The following GNL3L variants were observed in gnomAD, a reference collection of about 807,000 sequenced individuals.
The protein encoded by GNL3L is guanine nucleotide-binding protein-like 3-like protein.
A neutral mutation model predicts 42.9 loss-of-function variants in GNL3L; 4 were observed. The observed-to-expected ratio is 0.09, with a 90% confidence interval of 0.05 to 0.21. The LOEUF (loss-of-function observed/expected upper bound fraction) is 0.21. Ranked by LOEUF, GNL3L falls within the 10% of genes least tolerant of loss-of-function variation. The pLI, the probability that GNL3L is intolerant of heterozygous loss-of-function variation, is 1.00. For missense variants in GNL3L, 412 were observed against 481.7 expected (o/e 0.86, Z 1.36); for synonymous variants, 159 against 176.3 (o/e 0.90, Z 0.78).
intron 5 of GNL3L, 94 bp downstream of exon 5, chrX:54,541,483 G>A (rs1397861424): frequency 1.7e-5 from 9 of 530,873 alleles, no homozygotes; most frequent in South Asian, 1.6e-4. Flanking sequence ...TTGTTGGAGG[G>A]GAACAAGGGA....
intron 8 of GNL3L, among the ~76,000 whole-genome samples, chrX:54,544,630 C>G (rs1470641951): frequency 8.2e-5 from 9 of 109,122 alleles, no homozygotes; most frequent in African/African-American, 3.0e-4. Context: ...TCACCATGCC[C>G]TGCTAATTTT....
At chrX:54,568,544 A>G (rs1295390731), downstream of GNL3L, among the ~76,000 whole-genome samples, 1 of 108,275 alleles carries the variant, frequency 9.2e-6, no homozygotes, top group Non-Finnish European at 1.9e-5. Flanking sequence ...CAAAATAACT[A>G]TGTAGTATCT....
At chrX:54,622,431 C>A (rs1408347039), downstream of GNL3L, among the ~76,000 whole-genome samples, 1 of 106,632 alleles carries the variant, frequency 9.4e-6, no homozygotes, top group African/African-American at 3.4e-5. Flanking sequence ...ACTACAGGCA[C>A]GTGCCACCAT....
At chrX:54,533,858 A>G (rs1266166231) in intron 2 of GNL3L, among the ~76,000 whole-genome samples, 14 of 111,051 alleles carry the variant, frequency 1.3e-4, no homozygotes, top group Non-Finnish European at 2.6e-4. Flanking sequence ...ATAGTGATGG[A>G]AAAGACAAAA....
At chrX:54,620,794 CA>C (rs1274074076) in intron 16 of GNL3L, among the ~76,000 whole-genome samples, 1 of 112,003 alleles carries the variant, frequency 8.9e-6, no homozygotes, top group African/African-American at 3.2e-5. Context: ...TCCTCTCCAG[CA>C]CTTGTTATTG....
At chrX:54,536,628 T>TA (rs960745863) in intron 2 of GNL3L, among the ~76,000 whole-genome samples, 8 of 108,408 alleles carry the variant, frequency 7.4e-5, no homozygotes, top group African/African-American at 2.0e-4. Context: ...CTACTAAAAA[T>TA]AAAAAAATTA....
chrX:54,556,998 T>C (rs1925113609), intron 14 of GNL3L, among the ~76,000 whole-genome samples: 1 of 110,069 alleles, frequency 9.1e-6, no homozygotes, highest in Admixed American at 9.7e-5. Flanking sequence ...CTGGCCAACA[T>C]GGTGAAACCC....
chrX:54,612,427 G>A (rs1926172866), intron 16 of GNL3L, among the ~76,000 whole-genome samples: 1 of 111,708 alleles, frequency 9.0e-6, no homozygotes, highest in Non-Finnish European at 1.9e-5. Context: ...GAAATGTGAG[G>A]TACTGTTACT....
intron 16 of GNL3L, among the ~76,000 whole-genome samples, chrX:54,594,336 A>G (rs1310633655): frequency 9.0e-6 from 1 of 111,265 alleles, no homozygotes; most frequent in African/African-American, 3.3e-5. Context: ...TGCTGAATTG[A>G]CACCTTTATC....
At chrX:54,638,132 C>T in the GNL3L span, among the ~76,000 whole-genome samples, 3 of 111,757 alleles carry the variant, frequency 2.7e-5, no homozygotes, top group Non-Finnish European at 5.6e-5. Flanking sequence ...TTTTATCCAT[C>T]CTTTGCAATT....
chrX:54,578,619 C>A (rs764732981), intron 16 of GNL3L, among the ~76,000 whole-genome samples: 79 of 112,214 alleles, frequency 7.0e-4, no homozygotes, highest in African/African-American at 2.4e-3. Context: ...TGAGATTCAT[C>A]CATTTTGTTG....
At chrX:54,605,093 A>G (rs1168428869) in intron 16 of GNL3L, among the ~76,000 whole-genome samples, 1 of 111,169 alleles carries the variant, frequency 9.0e-6, no homozygotes, top group Admixed American at 9.6e-5. Context: ...TAAGGGATGA[A>G]GGCTGCTTCC....
chrX:54,543,400 C>T (rs1924681829), intron 7 of GNL3L, 58 bp downstream of exon 7: 1 of 1,119,359 alleles, frequency 8.9e-7, no homozygotes, highest in African/African-American at 1.8e-5. Context: ...TCTTTAACGT[C>T]TAGCTTGGAC....
intron 13 of GNL3L, among the ~76,000 whole-genome samples, chrX:54,552,981 G>A (rs1291223886): frequency 8.9e-6 from 1 of 111,871 alleles, no homozygotes; most frequent in East Asian, 2.8e-4. Flanking sequence ...ATTCAAATCC[G>A]AGCTTTGTTT....
intron 16 of GNL3L, among the ~76,000 whole-genome samples, chrX:54,609,205 T>C (rs776442985): frequency 7.1e-5 from 8 of 112,514 alleles, no homozygotes; most frequent in Non-Finnish European, 1.3e-4. Flanking sequence ...ATGGATTATT[T>C]GTTTTTTTCT....
At chrX:54,636,376 T>C in the GNL3L span, among the ~76,000 whole-genome samples, 14 of 112,100 alleles carry the variant, frequency 1.2e-4, no homozygotes, top group East Asian at 3.9e-3. Flanking sequence ...TCTTTCTTTT[T>C]TTCAACTTTT....
intron 16 of GNL3L, among the ~76,000 whole-genome samples, chrX:54,593,727 G>T (rs1248130733): frequency 9.0e-6 from 1 of 110,504 alleles, no homozygotes; most frequent in Non-Finnish European, 1.9e-5. Flanking sequence ...TTTCATGTAA[G>T]CACTTATAGC....
chrX:54,547,063 C>G (rs1251710582), intron 8 of GNL3L, among the ~76,000 whole-genome samples: 1 of 100,009 alleles, frequency 1.0e-5, no homozygotes, highest in Non-Finnish European at 2.0e-5. Context: ...CTGGTGCAAT[C>G]TTGGGTCACT....
At chrX:54,556,910 G>T (rs1490458999) in intron 14 of GNL3L, among the ~76,000 whole-genome samples, 1 of 111,083 alleles carries the variant, frequency 9.0e-6, no homozygotes, top group South Asian at 3.8e-4. Flanking sequence ...GCCGGGCGCG[G>T]TGGCTCATGC....
Sources: allele counts gnomAD v4.1 joint callset (sites outside exome capture counted in the v4.1 genomes callset), GRCh38; gene constraint gnomAD v4.1.1; transcripts MANE v1.5; gene names NCBI Gene and HGNC (gene_info 2026-07-23, HGNC 2026-07-21).